CACNA2D3: variants seen among roughly 807,000 people sequenced by gnomAD.
The protein encoded by CACNA2D3 is voltage-dependent calcium channel subunit alpha-2/delta-3.
In CACNA2D3, 60 loss-of-function variants were observed where a neutral mutation model predicts 160.6. That is an observed-to-expected ratio of 0.37 (90% confidence interval 0.30 to 0.46). The LOEUF (loss-of-function observed/expected upper bound fraction) is 0.46. CACNA2D3 is among the 20% of genes least tolerant of loss of function. The pLI is 1.00. For synonymous variants in CACNA2D3, 558 were observed against 492.9 expected (o/e 1.13, Z -1.75); for missense variants, 1,205 against 1,365.0 (o/e 0.88, Z 1.85).
chr3:54,999,663 A>G (rs1365374162), intron 31 of CACNA2D3, among the ~76,000 whole-genome samples: 3 of 152,190 alleles, frequency 2.0e-5, no homozygotes, highest in Non-Finnish European at 2.9e-5. Flanking sequence ...CTCACGGTAC[A>G]TAGTAGGTGT....
At chr3:54,617,909 C>G (rs936841603) in intron 9 of CACNA2D3, among the ~76,000 whole-genome samples, 1 of 151,680 alleles carries the variant, frequency 6.6e-6, no homozygotes, top group African/African-American at 2.4e-5. Context: ...TCTTCTCGTT[C>G]TAGGAGCCAG....
At chr3:54,535,822 T>C (rs1701880397) in intron 5 of CACNA2D3, among the ~76,000 whole-genome samples, 1 of 152,234 alleles carries the variant, frequency 6.6e-6, no homozygotes, top group Non-Finnish European at 1.5e-5. Context: ...ACAGGTCACC[T>C]GTCGGGAGGC....
At chr3:54,804,621 T>C (rs1036710525) in intron 13 of CACNA2D3, among the ~76,000 whole-genome samples, 13 of 152,180 alleles carry the variant, frequency 8.5e-5, no homozygotes, top group Admixed American at 4.6e-4. Flanking sequence ...AACACCCCAC[T>C]GTTAATATTA....
intron 12 of CACNA2D3, among the ~76,000 whole-genome samples, chr3:54,763,926 AG>A (rs1318163544): frequency 2.2e-5 from 3 of 135,916 alleles, no homozygotes; most frequent in African/African-American, 8.2e-5. Context: ...AAAGTTAGGG[AG>A]GATATTCTCC....
At chr3:54,382,520 C>G (rs796785033) in intron 3 of CACNA2D3, among the ~76,000 whole-genome samples, 3 of 152,162 alleles carry the variant, frequency 2.0e-5, no homozygotes, top group African/African-American at 4.8e-5. Flanking sequence ...CAGTGACTCA[C>G]GCCTGTAATC....
intron 9 of CACNA2D3, among the ~76,000 whole-genome samples, chr3:54,619,128 G>A (rs544559191): frequency 6.6e-6 from 1 of 152,346 alleles, no homozygotes; most frequent in East Asian, 1.9e-4. Flanking sequence ...GCAGCACTGG[G>A]CTTCAGCTTT....
chr3:54,541,053 A>G (rs1033932507), intron 5 of CACNA2D3, among the ~76,000 whole-genome samples: 37 of 152,178 alleles, frequency 2.4e-4, no homozygotes, highest in Middle Eastern at 3.4e-3. Context: ...CAAGGTGGGC[A>G]GATCACGAGG....
intron 2 of CACNA2D3, among the ~76,000 whole-genome samples, chr3:54,156,715 G>A (rs114180834): frequency 1.3e-3 from 199 of 152,300 alleles, no homozygotes; most frequent in African/African-American, 4.5e-3. Context: ...AAGCTGAAGC[G>A]CTGGACAACC....
At chr3:54,532,235 G>A (rs188996421) in intron 5 of CACNA2D3, among the ~76,000 whole-genome samples, 1 of 152,320 alleles carries the variant, frequency 6.6e-6, no homozygotes, top group East Asian at 1.9e-4. Context: ...TTGAGATGCT[G>A]TTAATCTGTA....
At chr3:54,898,761 A>G (rs763717245) in intron 26 of CACNA2D3, among the ~76,000 whole-genome samples, 14 of 152,198 alleles carry the variant, frequency 9.2e-5, no homozygotes, top group Non-Finnish European at 1.8e-4. Context: ...TTTTCACCAA[A>G]CTTTCAATGT....
intron 4 of CACNA2D3, among the ~76,000 whole-genome samples, chr3:54,457,282 A>G (rs926912524): frequency 1.3e-5 from 2 of 151,744 alleles, no homozygotes; most frequent in Middle Eastern, 3.4e-3. Context: ...GTTTCAATAA[A>G]TTTTTCAATC....
At chr3:54,335,267 C>T (rs114511643) in intron 3 of CACNA2D3, among the ~76,000 whole-genome samples, 2,836 of 152,114 alleles carry the variant, frequency 0.019, 85 homozygotes, top group African/African-American at 0.065. Flanking sequence ...GAATTCAGGG[C>T]GAGTCCATAA....
rs925246122 is a variant in CACNA2D3 at position 55,050,722 on chromosome 3, C to A, written c.2988-22723C>A. Among the ~76,000 whole-genome samples, 16 of 132,760 alleles carry A rather than the reference C, an allele frequency of 1.2e-4. 1 individual carries two copies. The highest frequency in any genetic ancestry group is 2.2e-4 in the Non-Finnish European group (14 of 63,512). The allele number at this position is 132,760 out of a possible 152,430, so 87.1% of individuals were successfully genotyped here. A position where few individuals can be genotyped will look rare whatever the true frequency, so the allele number is the denominator to read the frequency against. On this transcript the variant is annotated intron_variant, in intron 35 of 37. Transcript: ENST00000474759. ...GTTTTCCATCTTGGTTCCATTCTCC[C>A]CATCACTTTCAGGTACACCAATCAG...
intron 11 of CACNA2D3, among the ~76,000 whole-genome samples, chr3:54,734,138 T>A (rs1185031047): frequency 6.6e-6 from 1 of 152,166 alleles, no homozygotes; most frequent in Non-Finnish European, 1.5e-5. Flanking sequence ...AGGAAATCGT[T>A]GTCCAAGAGG....
At chr3:54,591,411 G>A (rs748475956) in intron 9 of CACNA2D3, among the ~76,000 whole-genome samples, 10 of 152,138 alleles carry the variant, frequency 6.6e-5, no homozygotes, top group Non-Finnish European at 1.5e-4. Context: ...GTGGCTGAGA[G>A]GCAGGCCTTT....
At chr3:54,687,201 T>C (rs1700480095) in intron 11 of CACNA2D3, among the ~76,000 whole-genome samples, 1 of 146,032 alleles carries the variant, frequency 6.8e-6, no homozygotes, top group Non-Finnish European at 1.5e-5. Context: ...AGTGCAATGG[T>C]GCCATCTCGG....
At chr3:54,743,142 C>T (rs966267375) in intron 11 of CACNA2D3, among the ~76,000 whole-genome samples, 2 of 152,210 alleles carry the variant, frequency 1.3e-5, no homozygotes, top group Admixed American at 6.5e-5. Context: ...AGGTGGGTAA[C>T]TAATATTCGT....
At chr3:54,191,518 G>A (rs184928510) in intron 2 of CACNA2D3, among the ~76,000 whole-genome samples, 1 of 152,152 alleles carries the variant, frequency 6.6e-6, no homozygotes, top group East Asian at 1.9e-4. Flanking sequence ...TACCCAGGGA[G>A]TGCCTTGGAA....
intron 2 of CACNA2D3, among the ~76,000 whole-genome samples, chr3:54,194,738 A>G (rs932087005): frequency 1.3e-5 from 2 of 152,240 alleles, no homozygotes; most frequent in Admixed American, 6.5e-5. Context: ...GTGTCCTCAC[A>G]TGGTGGAAAT....
Sources: gnomAD v4.1 joint callset for allele counts (sites outside exome capture counted in the v4.1 genomes callset) on GRCh38, gnomAD v4.1.1 for gene constraint, MANE v1.5 for transcripts, NCBI Gene and HGNC (gene_info 2026-07-23, HGNC 2026-07-21) for gene names.